The following MAGEC3 variants were observed in gnomAD, a reference collection of about 807,000 sequenced individuals.
The protein encoded by MAGEC3 is melanoma-associated antigen C3.
MAGEC3 carries 34 observed loss-of-function variants against 35.3 expected under a neutral mutation model. The observed-to-expected ratio is 0.96, with a 90% CI of 0.73 to 1.28. The LOEUF is 1.28. Ranked by LOEUF, MAGEC3 falls within the 50% of genes most tolerant of loss-of-function variation. The probability of loss-of-function intolerance (pLI) is 0.00; values close to 1 mark genes in which losing one functional copy is unlikely to be tolerated. For synonymous variants in MAGEC3, 202 were observed against 185.6 expected (o/e 1.09, Z -0.72); for missense variants, 561 against 483.6 (o/e 1.16, Z -1.50).
chrX:141,850,648 C>A (rs2017745714), intron 1 of MAGEC3, among the ~76,000 whole-genome samples: 1 of 111,417 alleles, frequency 9.0e-6, no homozygotes, highest in African/African-American at 3.3e-5. Flanking sequence ...ATCAACTTCA[C>A]AAAAATATCC....
intron 1 of MAGEC3, among the ~76,000 whole-genome samples, chrX:141,847,243 G>A (rs960925803): frequency 1.8e-5 from 2 of 110,615 alleles, no homozygotes; most frequent in East Asian, 2.8e-4. Context: ...CCTCTTTCAC[G>A]TTATTCAACC....
intron 1 of MAGEC3, among the ~76,000 whole-genome samples, chrX:141,843,960 C>G (rs1381120204): frequency 1.8e-5 from 2 of 110,638 alleles, no homozygotes; most frequent in Admixed American, 1.9e-4. Context: ...CTTTGTAGTA[C>G]TTATTCCCTT....
At chrX:141,873,659 T>C (rs942490928) in intron 2 of MAGEC3, among the ~76,000 whole-genome samples, 1 of 111,748 alleles carries the variant, frequency 8.9e-6, no homozygotes, top group Non-Finnish European at 1.9e-5. Context: ...AAAATTGTTT[T>C]AGAAACCTAA....
intron 1 of MAGEC3, among the ~76,000 whole-genome samples, chrX:141,863,514 A>G (rs1173807100): frequency 8.9e-6 from 1 of 112,179 alleles, no homozygotes; most frequent in Non-Finnish European, 1.9e-5. Flanking sequence ...CAATTGCAGT[A>G]CGTGTACCAC....
chrX:141,850,709 A>G (rs2017746204), intron 1 of MAGEC3, among the ~76,000 whole-genome samples: 1 of 111,805 alleles, frequency 8.9e-6, no homozygotes, highest in Admixed American at 9.5e-5. Flanking sequence ...ACAAATTGAC[A>G]TATAAAATCA....
At chrX:141,876,797 T>C (rs2017922430) in intron 2 of MAGEC3, among the ~76,000 whole-genome samples, 1 of 112,283 alleles carries the variant, frequency 8.9e-6, no homozygotes, top group Non-Finnish European at 1.9e-5. Context: ...AAGAAGACTG[T>C]CTCCTGTTCT....
intron 1 of MAGEC3, among the ~76,000 whole-genome samples, chrX:141,859,545 A>G (rs751750373): frequency 4.9e-4 from 55 of 111,784 alleles, no homozygotes; most frequent in African/African-American, 1.7e-3. Flanking sequence ...TTAAAAATAT[A>G]TATTCCAAAA....
At chrX:141,874,837 TAAAG>T (rs1250827663) in intron 2 of MAGEC3, among the ~76,000 whole-genome samples, 35 of 106,689 alleles carry the variant, frequency 3.3e-4, no homozygotes, top group Admixed American at 2.8e-3. Context: ...AAAAAGTAGA[TAAAG>T]AAAACACACT....
intron 1 of MAGEC3, among the ~76,000 whole-genome samples, chrX:141,840,183 G>A (rs1603049786): frequency 9.0e-6 from 1 of 111,244 alleles, no homozygotes; most frequent in Non-Finnish European, 1.9e-5. Flanking sequence ...TTAACAGCCA[G>A]GAAATACCCA....
Position 141,881,529 on chromosome X carries a change from C to CA in MAGEC3, c.643dup (p.Ile215AsnfsTer17), listed in dbSNP as rs1447850376. The stretch of plus-strand genomic sequence containing the variant: ...CAAGAGCAGAGATGCAGATGAATGT[C>CA]ATCAACACATACACGGGCTACTTTC... On this transcript the variant is annotated frameshift_variant, in exon 4 of 8. Coordinates refer to ENST00000298296, the MANE Select transcript of MAGEC3 (RefSeq NM_138702.1). LOFTEE classifies it high-confidence loss of function. 2 of 1,211,571 alleles carry CA rather than the reference C, an allele frequency of 1.7e-6. No homozygotes were observed. The highest frequency in any genetic ancestry group is 5.9e-5 in the East Asian group (2 of 33,803).
intron 4 of MAGEC3, among the ~76,000 whole-genome samples, chrX:141,890,082 C>T (rs928667165): frequency 2.7e-5 from 3 of 111,659 alleles, no homozygotes; most frequent in South Asian, 3.7e-4. Flanking sequence ...GATTGGGGAT[C>T]GGTGCATTTC....
intron 2 of MAGEC3, among the ~76,000 whole-genome samples, chrX:141,872,751 C>T (rs1383567394): frequency 8.9e-6 from 1 of 111,944 alleles, no homozygotes; most frequent in Non-Finnish European, 1.9e-5. Flanking sequence ...ATATCCACTG[C>T]AGGTCATTGG....
intron 2 of MAGEC3, among the ~76,000 whole-genome samples, chrX:141,870,989 GTTTTTA>G (rs373942102): frequency 2.0e-3 from 223 of 112,320 alleles, no homozygotes; most frequent in African/African-American, 6.5e-3. Flanking sequence ...TCCTAAGACT[GTTTTTA>G]TTTTTAAATA....
chrX:141,895,306 C>G lies in MAGEC3; in HGVS notation c.947C>G (p.Ser316Cys), dbSNP rs760711028. 2.5e-6 allele frequency: 3 copies of G among 1,208,238 alleles called. No homozygotes were observed. The highest frequency in any genetic ancestry group is 3.4e-6 in the Non-Finnish European group (3 of 894,671). ...TTGGCAGGGTTCGCGGATGTGCTTT[C>G]CCGACTTGCACTGTGGGAGTCTGAA... is the stretch of plus-strand genomic sequence containing the variant. ...SALAGFADVL[S>C]RLALWESEGP... Residue 316 changes from serine (S) to cysteine (C), a missense_variant, in exon 5 of 8, where the codon TCC becomes TGC. Physicochemically the swap from Ser to Cys is moderately radical, Grantham distance 112. Coordinates refer to ENST00000298296, the MANE Select transcript of MAGEC3 (RefSeq NM_138702.1).
intron 1 of MAGEC3, chrX:141,839,406 A>T (rs1423526946): frequency 3.7e-5 from 27 of 724,207 alleles, no homozygotes; most frequent in Admixed American, 2.7e-4. Context: ...TATAATGATT[A>T]TGGGCATAAG....
intron 2 of MAGEC3, among the ~76,000 whole-genome samples, chrX:141,869,521 T>C (rs1364547665): frequency 8.9e-6 from 1 of 112,357 alleles, no homozygotes; most frequent in East Asian, 2.8e-4. Flanking sequence ...CTTGTTTCTG[T>C]TTTTTATTAG....
In MAGEC3 at chrX:141,887,916, G is replaced by A. The variant is rs1024433393; in HGVS notation, c.909+6120G>A. On this transcript the variant is annotated intron_variant, in intron 4 of 7. Coordinates refer to ENST00000298296, the MANE Select transcript of MAGEC3 (RefSeq NM_138702.1). ...TCTTGGCCTGTTACTGGGCTTTCAT[G>A]GAAACTGAATATTTGACTGTAGGTC... is the stretch of plus-strand genomic sequence containing the variant. Among the ~76,000 whole-genome samples, 5 of 112,075 alleles carry A rather than the reference G, an allele frequency of 4.5e-5. 1 individual carries two copies. Among genetic ancestry groups the A allele is most frequent in the Admixed American group, 1.9e-4 (2 of 10,593 alleles).
At chrX:141,844,511 G>T (rs2017705167) in intron 1 of MAGEC3, among the ~76,000 whole-genome samples, 1 of 110,544 alleles carries the variant, frequency 9.0e-6, no homozygotes, top group African/African-American at 3.3e-5. Context: ...AAATTTGTTG[G>T]TCTTTCTGTA....
intron 1 of MAGEC3, among the ~76,000 whole-genome samples, chrX:141,850,508 T>G (rs750384135): frequency 1.8e-5 from 2 of 111,645 alleles, no homozygotes; most frequent in African/African-American, 3.2e-5. Flanking sequence ...GCAAAATTCC[T>G]TCTTACTCAG....
Sources: gnomAD v4.1 joint callset for allele counts (sites outside exome capture counted in the v4.1 genomes callset) on GRCh38, gnomAD v4.1.1 for gene constraint, MANE v1.5 for transcripts, NCBI Gene and HGNC (gene_info 2026-07-23, HGNC 2026-07-21) for gene names.